CSMD1: variants seen among roughly 807,000 people sequenced by gnomAD.
The protein encoded by CSMD1 is CUB and Sushi multiple domains 1.
Under a neutral mutation model 417.5 loss-of-function variants are expected in CSMD1, and 213 were observed. The ratio of observed to expected loss-of-function variants is 0.51; its 90% confidence interval spans 0.46 to 0.57. The LOEUF (loss-of-function observed/expected upper bound fraction) is 0.57, where lower values mean the gene tolerates loss of function less well. Among genes scored for constraint, CSMD1 ranks in the 20% least tolerant of loss-of-function variants. The probability of loss-of-function intolerance (pLI) is 0.00; values close to 1 mark genes in which losing one functional copy is unlikely to be tolerated. For synonymous variants in CSMD1, 2,862 were observed against 1,736.8 expected, an observed-to-expected ratio of 1.65 and a Z score of -16.11; for missense variants, 6,923 against 4,529.7, an observed-to-expected ratio of 1.53 and a Z score of -15.17.
intron 5 of CSMD1, among the ~76,000 whole-genome samples, chr8:3,824,265 C>A (rs917724526): frequency 1.3e-5 from 2 of 149,416 alleles, no homozygotes; most frequent in African/African-American, 2.5e-5. Context: ...AAAAAAAAAA[C>A]TGCTGACTCT....
chr8:3,832,367 G>GT (rs1340661723), intron 5 of CSMD1, among the ~76,000 whole-genome samples: 1 of 152,022 alleles, frequency 6.6e-6, no homozygotes, highest in Non-Finnish European at 1.5e-5. Flanking sequence ...AAAATATTTA[G>GT]TTTTTTCTGG....
chr8:4,906,395 A>G (rs941450543), intron 1 of CSMD1, among the ~76,000 whole-genome samples: 1 of 152,242 alleles, frequency 6.6e-6, no homozygotes, highest in African/African-American at 2.4e-5. Flanking sequence ...GAGTTGTCAA[A>G]GGGATGAATA....
At chr8:4,023,080 C>A (rs777072748) in intron 4 of CSMD1, among the ~76,000 whole-genome samples, 1 of 152,146 alleles carries the variant, frequency 6.6e-6, no homozygotes, top group African/African-American at 2.4e-5. Context: ...GAAATATGGC[C>A]TCATGGTTGA....
At chr8:3,101,400 G>T (rs1386130572) in intron 46 of CSMD1, among the ~76,000 whole-genome samples, 1 of 152,194 alleles carries the variant, frequency 6.6e-6, no homozygotes, top group Non-Finnish European at 1.5e-5. Flanking sequence ...TGAGTGTCTA[G>T]CACAGTAATA....
rs144884371 is a variant in CSMD1 at position 4,008,259 on chromosome 8, G to C, written c.611-10149C>G. 4.5e-3 allele frequency among the ~76,000 whole-genome samples: 679 copies of C among 152,178 alleles called. 4 individuals carry two copies. The highest frequency in any genetic ancestry group is 0.015 in the African/African-American group (638 of 41,546). On this transcript the variant is annotated intron_variant, in intron 4 of 69. Coordinates refer to ENST00000635120, the MANE Select transcript of CSMD1 (RefSeq NM_033225.6). Reference sequence around the variant, plus strand: ...AACTTAAAAACCACATATAAAATATGAAATGTATTAAAATATGTAATTATT... The same window carrying C: ...AACTTAAAAACCACATATAAAATATCAAATGTATTAAAATATGTAATTATT...
At chr8:4,768,758 G>A (rs914444088) in intron 1 of CSMD1, among the ~76,000 whole-genome samples, 1 of 152,148 alleles carries the variant, frequency 6.6e-6, no homozygotes, top group Admixed American at 6.5e-5. Flanking sequence ...GATGCTACTG[G>A]CTTGTTTACA....
chr8:3,392,775 C>A (rs1012931229), intron 17 of CSMD1, among the ~76,000 whole-genome samples: 1 of 152,136 alleles, frequency 6.6e-6, no homozygotes, highest in Non-Finnish European at 1.5e-5. Flanking sequence ...TTTGAAGAAA[C>A]CTTCCCCTTC....
chr8:3,293,918 G>T (rs1029972594), intron 25 of CSMD1, among the ~76,000 whole-genome samples: 2 of 152,008 alleles, frequency 1.3e-5, no homozygotes, highest in African/African-American at 4.8e-5. Flanking sequence ...TTTTTAGTTT[G>T]CAGTTTTTCT....
At chr8:3,261,321 A>T (rs1801044307) in intron 26 of CSMD1, among the ~76,000 whole-genome samples, 1 of 152,176 alleles carries the variant, frequency 6.6e-6, no homozygotes. Flanking sequence ...TAAAAGCAAA[A>T]CATTCAATTC....
chr8:4,966,889 T>G lies in CSMD1; in HGVS notation c.85+27443A>C, dbSNP rs62489448. Among the ~76,000 whole-genome samples the G allele has an allele frequency of 4.1e-3, 625 of 152,284 alleles. 2 individuals carry two copies. Among genetic ancestry groups the G allele is most frequent in the Middle Eastern group, 0.014 (4 of 294 alleles). On this transcript the variant is annotated intron_variant, in intron 1 of 69. Coordinates refer to ENST00000635120, the MANE Select transcript of CSMD1 (RefSeq NM_033225.6). Reference sequence around the variant, plus strand: ...ATCTTTCCCTTATTCACAAGCACGGTTAAAAATATCAACTAAAGTGACTGA... The same window carrying G: ...ATCTTTCCCTTATTCACAAGCACGGGTAAAAATATCAACTAAAGTGACTGA...
At chr8:3,063,167 G>T (rs957793357) in intron 49 of CSMD1, among the ~76,000 whole-genome samples, 2 of 152,182 alleles carry the variant, frequency 1.3e-5, no homozygotes, top group Non-Finnish European at 2.9e-5. Flanking sequence ...AAGGGAATCT[G>T]CATTTTGGAG....
chr8:3,498,414 A>G (rs1189489782), intron 10 of CSMD1, among the ~76,000 whole-genome samples: 1 of 152,214 alleles, frequency 6.6e-6, no homozygotes, highest in Non-Finnish European at 1.5e-5. Flanking sequence ...AAATTACAAA[A>G]TCACCAGGAG....
intron 3 of CSMD1, among the ~76,000 whole-genome samples, chr8:4,198,216 A>G (rs1044931691): frequency 1.3e-5 from 2 of 152,220 alleles, no homozygotes; most frequent in Non-Finnish European, 2.9e-5. Context: ...GCAAATACAA[A>G]GAGGTGCGGA....
At chr8:3,665,125 G>A (rs941628432) in intron 7 of CSMD1, among the ~76,000 whole-genome samples, 2 of 152,116 alleles carry the variant, frequency 1.3e-5, no homozygotes, top group African/African-American at 4.8e-5. Context: ...AGTTTCAGGT[G>A]ATTAGGAATT....
chr8:4,595,524 G>A (rs1800225524), intron 2 of CSMD1, among the ~76,000 whole-genome samples: 1 of 152,008 alleles, frequency 6.6e-6, no homozygotes, highest in Non-Finnish European at 1.5e-5. Flanking sequence ...TCATGCTAAT[G>A]TCTACTGTAG....
At chr8:4,799,431 T>A (rs1798157238) in intron 1 of CSMD1, among the ~76,000 whole-genome samples, 1 of 151,386 alleles carries the variant, frequency 6.6e-6, no homozygotes, top group Admixed American at 6.6e-5. Flanking sequence ...ACCCCCTCTC[T>A]ACTAAAAATA....
intron 2 of CSMD1, among the ~76,000 whole-genome samples, chr8:4,452,579 A>G (rs1799214088): frequency 1.3e-5 from 2 of 152,220 alleles, no homozygotes; most frequent in African/African-American, 4.8e-5. Context: ...AGAATATTAA[A>G]CATCAGAAAA....
At chr8:2,972,746 C>A (rs764756218) in intron 57 of CSMD1, among the ~76,000 whole-genome samples, 1 of 152,206 alleles carries the variant, frequency 6.6e-6, no homozygotes, top group Non-Finnish European at 1.5e-5. Context: ...CTGCTTCCAG[C>A]CTGCGGAAAT....
chr8:3,947,129 C>G (rs914899144), intron 5 of CSMD1, among the ~76,000 whole-genome samples: 1 of 152,160 alleles, frequency 6.6e-6, no homozygotes, highest in Non-Finnish European at 1.5e-5. Context: ...TTGATTCAGT[C>G]TTTCATCATT....
Sources: gnomAD v4.1 joint callset for allele counts (sites outside exome capture counted in the v4.1 genomes callset) on GRCh38, gnomAD v4.1.1 for gene constraint, MANE v1.5 for transcripts, NCBI Gene and HGNC (gene_info 2026-07-23, HGNC 2026-07-21) for gene names.